The following LRP1B variants were observed in gnomAD, a reference collection of about 807,000 sequenced individuals.
The protein encoded by LRP1B is LDL receptor related protein 1B.
In LRP1B, 217 loss-of-function variants were observed where a neutral mutation model predicts 556.6. That is an observed-to-expected ratio of 0.39 (90% confidence interval 0.35 to 0.44). The LOEUF (loss-of-function observed/expected upper bound fraction) is 0.44, where lower values mean the gene tolerates loss of function less well. Ranked by LOEUF, LRP1B falls within the 20% of genes least tolerant of loss-of-function variation. The probability of loss-of-function intolerance (pLI) is 1.00; values close to 1 mark genes in which losing one functional copy is unlikely to be tolerated. For synonymous variants in LRP1B, 2,047 were observed against 1,865.8 expected (o/e 1.10, Z -2.50); for missense variants, 5,053 against 5,620.8 (o/e 0.90, Z 3.23).
At chr2:141,793,149 CTT>C (rs1276358522) in intron 2 of LRP1B, among the ~76,000 whole-genome samples, 1 of 151,890 alleles carries the variant, frequency 6.6e-6, no homozygotes, top group African/African-American at 2.4e-5. Flanking sequence ...AGTCAAGTAT[CTT>C]TTTGCTGATT....
intron 72 of LRP1B, among the ~76,000 whole-genome samples, chr2:140,361,117 G>A (rs968549665): frequency 1.3e-5 from 2 of 150,608 alleles, no homozygotes; most frequent in Non-Finnish European, 1.5e-5. Flanking sequence ...ACTGCTCTAA[G>A]TACTAGGTAA....
At chr2:141,346,264 C>A (rs1427376717) in intron 3 of LRP1B, among the ~76,000 whole-genome samples, 2 of 151,852 alleles carry the variant, frequency 1.3e-5, no homozygotes, top group Non-Finnish European at 2.9e-5. Context: ...TGTTTCAAAA[C>A]AAAATACTGT....
chr2:142,120,429 G>A (rs913980081), intron 1 of LRP1B, among the ~76,000 whole-genome samples: 3 of 151,998 alleles, frequency 2.0e-5, no homozygotes, highest in Non-Finnish European at 4.4e-5. Context: ...CAGTTTTCTT[G>A]GAATTTCCAG....
chr2:141,713,275 GC>G (rs1430183665), intron 2 of LRP1B, among the ~76,000 whole-genome samples: 1 of 151,962 alleles, frequency 6.6e-6, no homozygotes, highest in East Asian at 1.9e-4. Context: ...TCTTAATCCA[GC>G]TTTTAATTGC....
At chr2:140,298,336 T>A (rs570870160) in intron 83 of LRP1B, among the ~76,000 whole-genome samples, 14 of 152,300 alleles carry the variant, frequency 9.2e-5, no homozygotes, top group African/African-American at 3.4e-4. Context: ...ATACAGATTA[T>A]ATTTTCATTA....
chr2:140,749,725 A>G (rs1688505302), intron 35 of LRP1B, among the ~76,000 whole-genome samples: 1 of 152,142 alleles, frequency 6.6e-6, no homozygotes, highest in Non-Finnish European at 1.5e-5. Context: ...GGCTGTTTAC[A>G]GTTAACTTTT....
intron 2 of LRP1B, among the ~76,000 whole-genome samples, chr2:141,735,774 G>C (rs2105528555): frequency 6.6e-6 from 1 of 152,120 alleles, no homozygotes; most frequent in South Asian, 2.1e-4. Flanking sequence ...GAACATCCAA[G>C]AATTTTAGAA....
chr2:141,918,639 C>T (rs1026224866), intron 1 of LRP1B, among the ~76,000 whole-genome samples: 4 of 152,148 alleles, frequency 2.6e-5, no homozygotes, highest in South Asian at 2.1e-4. Context: ...TCTATTATAT[C>T]GGTGAATTAG....
At chr2:141,040,854 T>C (rs1287339942) in intron 11 of LRP1B, among the ~76,000 whole-genome samples, 1 of 152,088 alleles carries the variant, frequency 6.6e-6, no homozygotes, top group Non-Finnish European at 1.5e-5. Flanking sequence ...TATAGCACTG[T>C]CCTTTCATAG....
At chr2:141,599,244 A>T in intron 2 of LRP1B, among the ~76,000 whole-genome samples, 1 of 151,874 alleles carries the variant, frequency 6.6e-6, no homozygotes, top group East Asian at 1.9e-4. Context: ...GAAAAACAGC[A>T]TTAGAGGTAG....
intron 7 of LRP1B, among the ~76,000 whole-genome samples, chr2:141,145,399 A>ATTTG: frequency 6.6e-6 from 1 of 152,042 alleles, no homozygotes. Flanking sequence ...TCATTCGTAT[A>ATTTG]GATTACATTG....
intron 2 of LRP1B, among the ~76,000 whole-genome samples, chr2:141,602,342 T>A (rs1687777694): frequency 6.6e-6 from 1 of 152,186 alleles, no homozygotes; most frequent in South Asian, 2.1e-4. Context: ...TACAGCTGAG[T>A]ACTGAAACTT....
intron 86 of LRP1B, among the ~76,000 whole-genome samples, chr2:140,258,100 G>A (rs888232368): frequency 8.6e-5 from 13 of 152,020 alleles, no homozygotes; most frequent in Non-Finnish European, 1.8e-4. Context: ...CCTCCCAAAC[G>A]TGTTGCAACA....
chr2:140,296,646 C>T (rs1412951619), intron 84 of LRP1B, among the ~76,000 whole-genome samples: 1 of 151,702 alleles, frequency 6.6e-6, no homozygotes. Context: ...TATAGATACC[C>T]CAACACAGGC....
intron 63 of LRP1B, among the ~76,000 whole-genome samples, chr2:140,445,540 T>C (rs907048151): frequency 7.9e-5 from 12 of 152,134 alleles, no homozygotes; most frequent in African/African-American, 2.4e-4. Context: ...ATCTTATAAA[T>C]AGTAAATATT....
At position 140,416,059 on chromosome 2, in the gene LRP1B, C is replaced by T. The variant is rs192111961; in HGVS notation, c.10414+26445G>A. 2.1e-4 allele frequency among the ~76,000 whole-genome samples: 32 copies of T among 152,196 alleles called. No homozygotes were observed. The East Asian group carries it at 4.8e-3, about 23-fold the overall frequency. ...ATTGGTGGCCTGTTAGGAACCAGGC[C>T]GCACAGCAGGAGGCGAGTGGCAGGC... is the stretch of plus-strand genomic sequence containing the variant. On this transcript the variant is annotated intron_variant, in intron 66 of 90. Transcript: ENST00000389484.
intron 11 of LRP1B, among the ~76,000 whole-genome samples, chr2:141,036,011 C>G (rs559830692): frequency 5.9e-5 from 9 of 152,138 alleles, no homozygotes; most frequent in African/African-American, 2.2e-4. Flanking sequence ...CTCGGCTTTG[C>G]TTAAGATGCA....
chr2:141,146,250 A>G (rs1701782881), intron 7 of LRP1B, among the ~76,000 whole-genome samples: 1 of 151,926 alleles, frequency 6.6e-6, no homozygotes, highest in South Asian at 2.1e-4. Flanking sequence ...ACCACCTATT[A>G]GTCTTCATGT....
intron 35 of LRP1B, among the ~76,000 whole-genome samples, chr2:140,763,897 T>A (rs1489511858): frequency 2.0e-5 from 3 of 152,110 alleles, no homozygotes; most frequent in Non-Finnish European, 4.4e-5. Flanking sequence ...GAAGAAAGTT[T>A]GAAATGACAA....
Sources: gnomAD v4.1 joint callset for allele counts (sites outside exome capture counted in the v4.1 genomes callset) on GRCh38, gnomAD v4.1.1 for gene constraint, MANE v1.5 for transcripts, NCBI Gene and HGNC (gene_info 2026-07-23, HGNC 2026-07-21) for gene names.